Variants in FAM234B observed in about 807,000 individuals in gnomAD.
FAM234B encodes protein FAM234B.
Under a neutral mutation model 69.3 loss-of-function variants are expected in FAM234B, and 33 were observed. The ratio of observed to expected loss-of-function variants is 0.48; its 90% CI spans 0.36 to 0.64. FAM234B has a LOEUF of 0.64. Ranked by LOEUF, FAM234B falls within the 30% of genes least tolerant of loss-of-function variation. The pLI is 0.00. For missense variants in FAM234B, 697 were observed against 769.7 expected (o/e 0.91, Z 1.12); for synonymous variants, 306 against 306.9 (o/e 1.00, Z 0.03).
In FAM234B at chr12:13,062,607, A is replaced by T. The variant is rs1220858640; in HGVS notation, c.722-238A>T. The T allele has an allele frequency of 7.9e-6, 3 of 379,264 alleles. No homozygotes were observed. In the East Asian group the frequency reaches 1.4e-4, roughly 18 times the overall value. The allele number at this position is 379,264 out of a possible 1,614,324, so 23.5% of individuals were successfully genotyped here. A position where few individuals can be genotyped will look rare whatever the true frequency, so the allele number is the denominator to read the frequency against. The stretch of plus-strand genomic sequence containing the variant: ...AGGATTTAGCACCTCCATTTTATCT[A>T]AAAAAATCTAGGTGAGAAATCATTG... On this transcript the variant is annotated intron_variant, in intron 4 of 12. Transcript: ENST00000197268.
rs758841523 is a variant in FAM234B, at chr12:13,079,993, T to C, written c.1847T>C (p.Val616Ala). 11 of 1,604,320 alleles carry C rather than the reference T, an allele frequency of 6.9e-6. No individual in the cohort carries two copies. Among genetic ancestry groups the C allele is most frequent in the Non-Finnish European group, 9.4e-6 (11 of 1,174,440 alleles). The change falls in exon 12 of 13, where the codon GTT becomes GCT. Residue 616 changes from valine to alanine, a missense_variant. Coordinates refer to ENST00000197268, the MANE Select transcript of FAM234B (RefSeq NM_020853.2). ...LRRFLSRIKF[V>A]EAPYEI The stretch of plus-strand genomic sequence containing the variant: ...AGATTTCTCTCTAGGATAAAGTTTG[T>C]TGAAGCTCCCTACGAGGTGAGTGGC...
At chr12:13,051,922 A>G (rs1026473584) in intron 1 of FAM234B, among the ~76,000 whole-genome samples, 7 of 152,260 alleles carry the variant, frequency 4.6e-5, no homozygotes, top group Non-Finnish European at 1.0e-4. Context: ...TTTGATTCTC[A>G]TCACAATCAT....
In FAM234B at chr12:13,044,806, CT is replaced by C. The variant is rs1864788395; in HGVS notation, c.37+368del. ...CCCAGCACCGCAGGGACTCCGGCGCCTTCTGTCTTGGCTGGACCTGGGCGGG... is the reference window on the plus strand; with the variant it reads ...CCCAGCACCGCAGGGACTCCGGCGCCTCTGTCTTGGCTGGACCTGGGCGGG... On this transcript the variant is annotated intron_variant, in intron 1 of 12. Transcript: ENST00000197268. This position sits in a 1 kb window ranked among gnomAD's most constrained non-coding sequence, Gnocchi z 5.6. Among the ~76,000 whole-genome samples the C allele has an allele frequency of 6.6e-6, 1 of 152,200 alleles. No homozygotes were observed. Among genetic ancestry groups the C allele is most frequent in the Admixed American group, 6.5e-5 (1 of 15,292 alleles).
At chr12:13,072,339 A>G (rs1219365161) in intron 10 of FAM234B, among the ~76,000 whole-genome samples, 1 of 152,216 alleles carries the variant, frequency 6.6e-6, no homozygotes, top group Non-Finnish European at 1.5e-5. Flanking sequence ...ACATGGCCTA[A>G]CAGTGTGACC....
intron 1 of FAM234B, among the ~76,000 whole-genome samples, chr12:13,045,490 G>A (rs1346343702): frequency 6.6e-6 from 1 of 152,188 alleles, no homozygotes; most frequent in Non-Finnish European, 1.5e-5. Context: ...TGAGCTTGCA[G>A]GGGGATTACA....
At position 13,081,587 on chromosome 12, in the gene FAM234B, TC is replaced by T. The variant is rs1865227262; in HGVS notation, c.*958del. The stretch of plus-strand genomic sequence containing the variant: ...CTCCTTAGCTCCCCTCACTCTGTTT[TC>T]TCTTCTATTCAGGGATATGTTTCTG... On this transcript the variant is annotated 3_prime_UTR_variant, in exon 13 of 13. Transcript: ENST00000197268. The T allele has an allele frequency of 6.6e-6, 1 of 152,244 alleles. No homozygotes were observed. The allele number at this position is 152,244 out of a possible 1,614,324, so 9.4% of individuals were successfully genotyped here.
At chr12:13,047,067 C>T (rs1157651049) in intron 1 of FAM234B, among the ~76,000 whole-genome samples, 1 of 152,178 alleles carries the variant, frequency 6.6e-6, no homozygotes, top group Non-Finnish European at 1.5e-5. Flanking sequence ...GCAGTGTGCT[C>T]ATTTATGAAT....
intron 9 of FAM234B, among the ~76,000 whole-genome samples, chr12:13,070,680 AT>A (rs199623101): frequency 6.6e-6 from 1 of 151,736 alleles, no homozygotes. Flanking sequence ...CTCTTGGATT[AT>A]TTTTTTTGCC....
At chr12:13,060,633 G>A (rs1864974228) in intron 3 of FAM234B, among the ~76,000 whole-genome samples, 1 of 152,198 alleles carries the variant, frequency 6.6e-6, no homozygotes, top group Admixed American at 6.5e-5. Flanking sequence ...GCCAGCCATT[G>A]TTTGTCACTT....
intron 2 of FAM234B, among the ~76,000 whole-genome samples, 173 bp from the exon 3 acceptor site, chr12:13,058,278 G>A (rs6488582): frequency 0.98 from 149,838 of 152,256 alleles, 73,772 homozygotes; most frequent in South Asian, 1. Flanking sequence ...TTTGTTTTAT[G>A]TACAGTGTCC....
At chr12:13,053,452 A>C (rs1330830051) in intron 1 of FAM234B, among the ~76,000 whole-genome samples, 1 of 152,160 alleles carries the variant, frequency 6.6e-6, no homozygotes, top group Non-Finnish European at 1.5e-5. Context: ...AAAGAGAAAG[A>C]GTACAAAGAG....
Position 13,061,902 on chromosome 12 carries a change from G to T in FAM234B, c.721+139G>T, listed in dbSNP as rs553961108. ...CTGATCTGGAATATGGTTATTAAGA[G>T]AAATGAGAGAAAAGGTTTGGGCAGA... is the stretch of plus-strand genomic sequence containing the variant. On this transcript the variant is annotated intron_variant, in intron 4 of 12. Transcript: ENST00000197268. 1.9e-4 allele frequency: 134 copies of T among 710,726 alleles called. No homozygotes were observed. The African/African-American group carries it at 2.2e-3, about 12-fold the overall frequency. The allele number at this position is 710,726 out of a possible 1,614,324, so 44.0% of individuals were successfully genotyped here. A position where few individuals can be genotyped will look rare whatever the true frequency, so the allele number is the denominator to read the frequency against.
chr12:13,065,067 G>A (rs1865023211), intron 5 of FAM234B, among the ~76,000 whole-genome samples: 2 of 152,142 alleles, frequency 1.3e-5, no homozygotes. Context: ...CAGGCTGATG[G>A]GAATAACACT....
rs1011178624 is a variant in FAM234B, at chr12:13,068,154, C to T, written c.1143-150C>T. On this transcript the variant is annotated intron_variant, in intron 7 of 12. Transcript: ENST00000197268. Reference sequence around the variant, plus strand: ...TCAAGAAAATGAGATTCAACTGAAACAACAGTACATCCCACTTGATGAGAT... The same window carrying T: ...TCAAGAAAATGAGATTCAACTGAAATAACAGTACATCCCACTTGATGAGAT... The T allele has an allele frequency of 2.1e-5, 15 of 723,024 alleles. 1 individual carries two copies. The Middle Eastern group carries it at 8.4e-4, about 40-fold the overall frequency. 44.8% of individuals were successfully genotyped at this position (723,024 alleles called of 1,614,324 possible). A position where few individuals can be genotyped will look rare whatever the true frequency, so the allele number is the denominator to read the frequency against.
chr12:13,072,455 G>A (rs1041559250), intron 10 of FAM234B, among the ~76,000 whole-genome samples: 1 of 152,110 alleles, frequency 6.6e-6, no homozygotes, highest in African/African-American at 2.4e-5. Context: ...ATATCGGCTG[G>A]GCGCAGTGGC....
At chr12:13,071,705 C>T (rs749240509) in intron 10 of FAM234B, among the ~76,000 whole-genome samples, 72 of 151,902 alleles carry the variant, frequency 4.7e-4, no homozygotes, top group Admixed American at 1.4e-3. Context: ...ACATATGCTA[C>T]GGTTGTTGAA....
chr12:13,067,916 A>C lies in FAM234B; in HGVS notation c.1143-388A>C, dbSNP rs1374965148. Among the ~76,000 whole-genome samples, 1 of 152,196 alleles carries C rather than the reference A, an allele frequency of 6.6e-6. No individual in the cohort carries two copies. The highest frequency in any genetic ancestry group is 2.4e-5 in the African/African-American group (1 of 41,446). ...GTCCCAGTGGCACTGAGCAAGAACT[A>C]ATTCAGTGAAATGTATGCCATGGGC... On this transcript the variant is annotated intron_variant, in intron 7 of 12. Transcript: ENST00000197268. This position sits in a 1 kb window ranked among gnomAD's most constrained non-coding sequence, Gnocchi z 4.7.
intron 10 of FAM234B, among the ~76,000 whole-genome samples, 161 bp from the exon 11 acceptor site, chr12:13,075,865 A>G (rs1865153409): frequency 6.6e-6 from 1 of 152,098 alleles, no homozygotes; most frequent in Non-Finnish European, 1.5e-5. Flanking sequence ...TCTCTTATAC[A>G]GGGGAGTTTC....
Position 13,055,752 on chromosome 12 carries a change from A to T in FAM234B, c.239A>T (p.Glu80Val), listed in dbSNP as rs767546834. ...AKPHLSEVTT[E>V]GYPSEPLGGL... ...CCACATCTTTCAGAAGTCACCACGG[A>T]GGGCTACCCCTCAGAACCCCTTGGG... is the stretch of plus-strand genomic sequence containing the variant. Residue 80 changes from glutamate to valine, a missense_variant, in exon 2 of 13, where the codon GAG (glutamate) becomes GTG (valine). By Grantham distance (121) the Glu-to-Val change is moderately radical. Coordinates refer to ENST00000197268, the MANE Select transcript of FAM234B (RefSeq NM_020853.2). 12 of 1,614,086 alleles carry T rather than the reference A, an allele frequency of 7.4e-6. No homozygotes were observed. Among genetic ancestry groups the T allele is most frequent in the Non-Finnish European group, 8.5e-6 (10 of 1,180,024 alleles).
Sources: allele counts gnomAD v4.1 joint callset (sites outside exome capture counted in the v4.1 genomes callset), GRCh38; gene constraint gnomAD v4.1.1; non-coding constraint Gnocchi (gnomAD v3.1); transcripts MANE v1.5; gene names NCBI Gene and HGNC (gene_info 2026-07-23, HGNC 2026-07-21).